The following PHETA1 variants were observed in gnomAD, a reference collection of about 807,000 sequenced individuals.
PHETA1 encodes sesquipedalian-1.
For synonymous variants in PHETA1, 155 were observed against 168.9 expected (o/e 0.92, Z 0.64); for missense variants, 348 against 373.5 (o/e 0.93, Z 0.56).
chr12:111,362,644 CT>C lies in PHETA1; in HGVS notation c.*33del. The C allele has an allele frequency of 6.5e-7, 1 of 1,549,008 alleles. No individual in the cohort carries two copies. Among genetic ancestry groups the C allele is most frequent in the Non-Finnish European group, 8.7e-7 (1 of 1,146,844 alleles). ...CCGGCCTGTCCCAGAGGGCATAGAG[CT>C]TGTGTCCCCCTAAAACAGGCGCCCT... On this transcript the variant is annotated 3_prime_UTR_variant, in exon 3 of 3. Coordinates refer to ENST00000683047, the MANE Select transcript of PHETA1 (RefSeq NM_144671.6).
In PHETA1 at chr12:111,362,474, T is replaced by C. The variant is rs1187397334; in HGVS notation, c.*204A>G. Reference sequence around the variant, plus strand: ...GTGACGTTCCCCTCAAGGGTAGGCCTTCTGGGTCACATGGTCCTAAAGGCC... The same window carrying C: ...GTGACGTTCCCCTCAAGGGTAGGCCCTCTGGGTCACATGGTCCTAAAGGCC... On this transcript the variant is annotated 3_prime_UTR_variant, in exon 3 of 3. Coordinates refer to ENST00000683047, the MANE Select transcript of PHETA1 (RefSeq NM_144671.6). The C allele has an allele frequency of 1.2e-5, 16 of 1,354,906 alleles. No homozygotes were observed. The highest frequency in any genetic ancestry group is 2.7e-5 in the Admixed American group (1 of 37,608). 83.9% of individuals were successfully genotyped at this position (1,354,906 alleles called of 1,614,324 possible).
chr12:111,363,579 C>A lies in PHETA1; in HGVS notation c.-36-116G>T. The A allele has an allele frequency of 6.5e-7, 1 of 1,531,142 alleles. No individual in the cohort carries two copies. The highest frequency in any genetic ancestry group is 8.7e-7 in the Non-Finnish European group (1 of 1,143,212). 94.8% of individuals were successfully genotyped at this position (1,531,142 alleles called of 1,614,324 possible). On this transcript the variant is annotated intron_variant, in intron 2 of 2. Coordinates refer to ENST00000683047, the MANE Select transcript of PHETA1 (RefSeq NM_144671.6). The surrounding 1 kb of genome is among the most constrained non-coding windows in gnomAD (Gnocchi z 7.4). ...CGTTTCACAGATGAGGAAACTGACG[C>A]TCATAGGGTGGAAGCAGCTGGCCTA... is the stretch of plus-strand genomic sequence containing the variant.
At chr12:111,364,384 G>A (rs919553423) in intron 2 of PHETA1, among the ~76,000 whole-genome samples, 2 of 151,620 alleles carry the variant, frequency 1.3e-5, no homozygotes, top group Non-Finnish European at 1.5e-5. Flanking sequence ...CCCTGCCCTC[G>A]TGGTGTTGAA....
intron 2 of PHETA1, chr12:111,365,546 A>C: frequency 2.2e-6 from 1 of 455,998 alleles, no homozygotes; most frequent in Non-Finnish European, 4.4e-6. Context: ...GAATAAAGGA[A>C]ATGTGGTACA....
intron 2 of PHETA1, 118 bp downstream of exon 2, chr12:111,365,995 C>T (rs908903790): frequency 1.2e-5 from 2 of 172,228 alleles, no homozygotes; most frequent in Non-Finnish European, 2.5e-5. Flanking sequence ...ACAGCTGTCC[C>T]TCTCTAAGCC....
rs778494303 is a variant in PHETA1 at position 111,362,632 on chromosome 12, G to C, written c.*46C>G. 1 of 1,548,182 alleles carries C rather than the reference G, an allele frequency of 6.5e-7. No individual in the cohort carries two copies. The highest frequency in any genetic ancestry group is 8.7e-7 in the Non-Finnish European group (1 of 1,146,852). On this transcript the variant is annotated 3_prime_UTR_variant, in exon 3 of 3. Coordinates refer to ENST00000683047, the MANE Select transcript of PHETA1 (RefSeq NM_144671.6). ...TCTCTCCAGGACCCGGCCTGTCCCA[G>C]AGGGCATAGAGCTTGTGTCCCCCTA...
chr12:111,362,064 G>A lies in PHETA1; in HGVS notation c.*614C>T, dbSNP rs1158071539. The A allele has an allele frequency of 2.2e-6, 1 of 453,916 alleles. No individual in the cohort carries two copies. The highest frequency in any genetic ancestry group is 4.4e-6 in the Non-Finnish European group (1 of 226,336). 28.1% of individuals were successfully genotyped at this position (453,916 alleles called of 1,614,324 possible). ...CCAGGCCAGGAGCCCCGAGGACCAGGCCACCTCACCCTTCCGGTCCTGCAC... is the reference window on the plus strand; with the variant it reads ...CCAGGCCAGGAGCCCCGAGGACCAGACCACCTCACCCTTCCGGTCCTGCAC... On this transcript the variant is annotated 3_prime_UTR_variant, in exon 3 of 3. Transcript: ENST00000683047.
At chr12:111,364,788 C>T (rs934746802) in intron 2 of PHETA1, among the ~76,000 whole-genome samples, 3 of 150,588 alleles carry the variant, frequency 2.0e-5, no homozygotes, top group Admixed American at 1.3e-4. Context: ...AATAGCCAGG[C>T]ATGGTGGGGG....
rs1300306614 is a variant in PHETA1 at position 111,368,421 on chromosome 12, C to T, written c.-182+491G>A. Among the ~76,000 whole-genome samples the T allele has an allele frequency of 1.3e-5, 2 of 152,124 alleles. No individual in the cohort carries two copies. Among genetic ancestry groups the T allele is most frequent in the African/African-American group, 4.8e-5 (2 of 41,420 alleles). On this transcript the variant is annotated intron_variant, in intron 1 of 2. Transcript: ENST00000683047. The surrounding 1 kb of genome is among the most constrained non-coding windows in gnomAD (Gnocchi z 5.0). ...AGCGGGCGTGGGGAAGAGGGTGTGGCAGGCACAGGCTGAAAAACATGTGTG... is the reference window on the plus strand; with the variant it reads ...AGCGGGCGTGGGGAAGAGGGTGTGGTAGGCACAGGCTGAAAAACATGTGTG...
chr12:111,363,554 C>T lies in PHETA1; in HGVS notation c.-36-91G>A. The T allele has an allele frequency of 2.0e-6, 3 of 1,530,638 alleles. No individual in the cohort carries two copies. Among genetic ancestry groups the T allele is most frequent in the East Asian group, 2.4e-5 (1 of 40,986 alleles). 94.8% of individuals were successfully genotyped at this position (1,530,638 alleles called of 1,614,324 possible). ...GGACCTTGCAGCCACTCTACATCCCCGTTTCACAGATGAGGAAACTGACGC... is the reference window on the plus strand; with the variant it reads ...GGACCTTGCAGCCACTCTACATCCCTGTTTCACAGATGAGGAAACTGACGC... On this transcript the variant is annotated intron_variant, in intron 2 of 2. Coordinates refer to ENST00000683047, the MANE Select transcript of PHETA1 (RefSeq NM_144671.6). This position sits in a 1 kb window ranked among gnomAD's most constrained non-coding sequence, Gnocchi z 7.4.
Position 111,362,269 on chromosome 12 carries a change from A to T in PHETA1, c.*409T>A. ...CCCTGAAGGCCTGGTCAGGAGCTGC[A>T]CTAACTGTGCATTTGCTTTTCAGGC... On this transcript the variant is annotated 3_prime_UTR_variant, in exon 3 of 3. Transcript: ENST00000683047. 1 of 387,212 alleles carries T rather than the reference A, an allele frequency of 2.6e-6. No individual in the cohort carries two copies. Among genetic ancestry groups the T allele is most frequent in the Non-Finnish European group, 5.0e-6 (1 of 201,160 alleles). 24.0% of individuals were successfully genotyped at this position (387,212 alleles called of 1,614,324 possible).
Position 111,363,439 on chromosome 12 carries a change from CGG to C in PHETA1, c.-14_-13del. On this transcript the variant is annotated 5_prime_UTR_variant, in exon 3 of 3. Transcript: ENST00000683047. The surrounding 1 kb of genome is among the most constrained non-coding windows in gnomAD (Gnocchi z 7.4). ...TCGTTCAGCTTCATGGTGGCAATCG[CGG>C]GGCCTGGAGGGGAGCCTGGGGCCTG... 1 of 1,604,860 alleles carries C rather than the reference CGG, an allele frequency of 6.2e-7. No homozygotes were observed.
Position 111,367,732 on chromosome 12 carries a change from C to A in PHETA1, c.-182+1180G>T, listed in dbSNP as rs2135510603. 6.6e-6 allele frequency among the ~76,000 whole-genome samples: 1 copy of A among 152,374 alleles called. No individual in the cohort carries two copies. Among genetic ancestry groups the A allele is most frequent in the East Asian group, 1.9e-4 (1 of 5,180 alleles). ...CCCATGACCCCTGCCTCCACCAGAA[C>A]TGGGAAGACAGGAAGCTGCAGGGGC... On this transcript the variant is annotated intron_variant, in intron 1 of 2. Transcript: ENST00000683047. The surrounding 1 kb of genome is among the most constrained non-coding windows in gnomAD (Gnocchi z 4.0).
Position 111,362,956 on chromosome 12 carries a change from G to A in PHETA1, c.472C>T (p.Pro158Ser). 9 of 1,482,586 alleles carry A rather than the reference G, an allele frequency of 6.1e-6. No individual in the cohort carries two copies. The highest frequency in any genetic ancestry group is 6.2e-6 in the Non-Finnish European group (7 of 1,120,270). The allele number at this position is 1,482,586 out of a possible 1,614,324, so 91.8% of individuals were successfully genotyped here. ...GGGGCAGAAGGCAGGGATGGGACTG[G>A]GGCCAGGGCAGAGGGCAGGGACGGG... ...LPPSLPSALA[P>S]VPSLPSAPAP... The change falls in exon 3 of 3, where the codon CCA becomes TCA. Residue 158 changes from proline (P) to serine (S), a missense_variant. Coordinates refer to ENST00000683047, the MANE Select transcript of PHETA1 (RefSeq NM_144671.6).
chr12:111,361,616 C>A lies in PHETA1; in HGVS notation c.*1062G>T, dbSNP rs1868606214. The A allele has an allele frequency of 3.4e-6, 1 of 295,042 alleles. No individual in the cohort carries two copies. Among genetic ancestry groups the A allele is most frequent in the Non-Finnish European group, 6.8e-6 (1 of 146,802 alleles). The allele number at this position is 295,042 out of a possible 1,614,324, so 18.3% of individuals were successfully genotyped here. ...GCCCCGAAGCCAAGCAAGACCTGGT[C>A]CCCACCAGGAGTATGGGGGTGGGGG... On this transcript the variant is annotated 3_prime_UTR_variant, in exon 3 of 3. Transcript: ENST00000683047.
Position 111,362,713 on chromosome 12 carries a change from G to A in PHETA1, c.715C>T (p.Arg239Cys), listed in dbSNP as rs1480603150. The change falls in exon 3 of 3, where the codon CGT (arginine) becomes TGT (cysteine). Residue 239 changes from arginine (R) to cysteine (C), a missense_variant. Physicochemically the swap from Arg to Cys is radical, Grantham distance 180. Transcript: ENST00000683047. Reference protein sequence around the residue: ...ECYGQEIRALRGQWLSSRVQP With the variant: ...ECYGQEIRALCGQWLSSRVQP ...ACCCGGCTGCTGAGCCACTGGCCAC[G>A]CAGGGCCCGGATCTCCTGGCCATAG... 3.9e-6 allele frequency: 6 copies of A among 1,547,808 alleles called. No homozygotes were observed. Among genetic ancestry groups the A allele is most frequent in the Admixed American group, 3.9e-5 (2 of 50,990 alleles).
intron 1 of PHETA1, among the ~76,000 whole-genome samples, chr12:111,366,705 G>A (rs976097725): frequency 1.3e-5 from 2 of 152,026 alleles, no homozygotes; most frequent in African/African-American, 4.8e-5. Context: ...GATGGATCCT[G>A]TGAAAATTAA....
Position 111,362,315 on chromosome 12 carries a change from A to G in PHETA1, c.*363T>C. On this transcript the variant is annotated 3_prime_UTR_variant, in exon 3 of 3. Transcript: ENST00000683047. ...CAGGCCACAGATCGCCCTCAGTCCC[A>G]GTGACCCTCTGAGCTGCAGGCCCGG... 2.1e-6 allele frequency: 1 copy of G among 475,470 alleles called. No homozygotes were observed. The highest frequency in any genetic ancestry group is 3.9e-6 in the Non-Finnish European group (1 of 258,130). The allele number at this position is 475,470 out of a possible 1,614,324, so 29.5% of individuals were successfully genotyped here. A position where few individuals can be genotyped will look rare whatever the true frequency, so the allele number is the denominator to read the frequency against.
rs1248788090 is a variant in PHETA1 at position 111,367,909 on chromosome 12, G to A, written c.-182+1003C>T. Among the ~76,000 whole-genome samples the A allele has an allele frequency of 6.6e-6, 1 of 152,276 alleles. No homozygotes were observed. Among genetic ancestry groups the A allele is most frequent in the African/African-American group, 2.4e-5 (1 of 41,480 alleles). On this transcript the variant is annotated intron_variant, in intron 1 of 2. Transcript: ENST00000683047. The surrounding 1 kb of genome is among the most constrained non-coding windows in gnomAD (Gnocchi z 4.0). ...GCTGGAGGGAGCCTGGCCCAGCTCT[G>A]CTCCCAAGGCAAAGTTCCTGCCTCC...
Sources: gnomAD v4.1 joint callset for allele counts (sites outside exome capture counted in the v4.1 genomes callset) on GRCh38, gnomAD v4.1.1 for gene constraint, Gnocchi (gnomAD v3.1) non-coding constraint, MANE v1.5 for transcripts, NCBI Gene and HGNC (gene_info 2026-07-23, HGNC 2026-07-21) for gene names.